Variants in PDE8B observed in about 807,000 individuals in gnomAD.
PDE8B encodes phosphodiesterase 8B.
Under a neutral mutation model 101.3 loss-of-function variants are expected in PDE8B, and 26 were observed. The ratio of observed to expected loss-of-function variants is 0.26; its 90% CI spans 0.19 to 0.36. The LOEUF is 0.36. Among genes scored for constraint, PDE8B ranks in the 10% least tolerant of loss-of-function variants. The probability of loss-of-function intolerance (pLI) is 1.00; values close to 1 mark genes in which losing one functional copy is unlikely to be tolerated. For synonymous variants in PDE8B, 424 were observed against 429.3 expected (o/e 0.99, Z 0.15); for missense variants, 810 against 1,163.1 (o/e 0.70, Z 4.42).
At chr5:77,273,400 T>A (rs2149790709) in intron 1 of PDE8B, among the ~76,000 whole-genome samples, 1 of 152,378 alleles carries the variant, frequency 6.6e-6, no homozygotes, top group East Asian at 1.9e-4. Context: ...TTTTTAAAAT[T>A]TACTAAACAT....
intron 1 of PDE8B, among the ~76,000 whole-genome samples, chr5:77,238,803 C>T (rs1755189165): frequency 6.6e-6 from 1 of 152,170 alleles, no homozygotes; most frequent in Admixed American, 6.5e-5. Context: ...GCCAGAGAAC[C>T]AGGAGCACTG....
intron 5 of PDE8B, among the ~76,000 whole-genome samples, chr5:77,332,081 G>C (rs1370312139): frequency 6.6e-6 from 1 of 152,180 alleles, no homozygotes; most frequent in Non-Finnish European, 1.5e-5. Context: ...TGGAGGCAAA[G>C]CTGTGTGCCT....
the PDE8B span, among the ~76,000 whole-genome samples, chr5:77,204,050 GTTTTTTT>G: frequency 2.6e-5 from 3 of 113,620 alleles, no homozygotes; most frequent in Non-Finnish European, 5.2e-5. Flanking sequence ...TGTACCCTTA[GTTTTTTT>G]TTTTTTTTTT....
At chr5:77,254,252 T>C (rs1758658010) in intron 1 of PDE8B, among the ~76,000 whole-genome samples, 1 of 151,944 alleles carries the variant, frequency 6.6e-6, no homozygotes, top group Non-Finnish European at 1.5e-5. Context: ...TGAGACATCG[T>C]GAATCCCTTA....
the PDE8B span, chr5:77,165,463 A>G: frequency 1.3e-5 from 2 of 152,306 alleles, no homozygotes; most frequent in African/African-American, 2.4e-5. Context: ...CTTCGGACGT[A>G]CAAGGCTCCT....
At chr5:77,221,138 T>G (rs1184661109) in intron 1 of PDE8B, among the ~76,000 whole-genome samples, 1 of 152,248 alleles carries the variant, frequency 6.6e-6, no homozygotes, top group Non-Finnish European at 1.5e-5. Context: ...TATGACAACT[T>G]AATATCAATC....
At chr5:77,234,630 G>T (rs1440437088) in intron 1 of PDE8B, among the ~76,000 whole-genome samples, 1 of 152,142 alleles carries the variant, frequency 6.6e-6, no homozygotes, top group Admixed American at 6.5e-5. Context: ...AGAGACTCCA[G>T]TCTGGCCTTC....
At position 77,349,571 on chromosome 5, in the gene PDE8B, C is replaced by T; in HGVS notation, c.1017+12C>T. 1 of 1,614,062 alleles carries T rather than the reference C, an allele frequency of 6.2e-7. No individual in the cohort carries two copies. The highest frequency in any genetic ancestry group is 8.5e-7 in the Non-Finnish European group (1 of 1,179,952). ...TCAAGAAGGGAAAGGTGGGTTACAC[C>T]AGCAAAACCAATCCACGAACCCTCT... On this transcript the variant is annotated intron_variant, in intron 8 of 21. Transcript: ENST00000264917.
chr5:77,413,195 C>G lies in PDE8B; in HGVS notation c.1797C>G (p.Ala599=). The G allele has an allele frequency of 6.2e-7, 1 of 1,613,776 alleles. No homozygotes were observed. The highest frequency in any genetic ancestry group is 8.5e-7 in the Non-Finnish European group (1 of 1,179,690). Residue 599 remains alanine, a synonymous_variant, in exon 17 of 22, where the codon GCC becomes GCG. Transcript: ENST00000264917. ...ACTGTTCTGAAACCACTCTTCGGGC[C>G]TGGTTCCAAGTGATCGAAGCCAACT... ...FLNCSETTLR[A]WFQVIEANYH...
intron 10 of PDE8B, among the ~76,000 whole-genome samples, chr5:77,361,578 G>T (rs1327728058): frequency 2.0e-5 from 3 of 150,008 alleles, no homozygotes; most frequent in Non-Finnish European, 4.4e-5. Flanking sequence ...GCAGTGGCGC[G>T]ATCTCGGCTC....
chr5:77,375,571 G>C (rs1785904549), intron 10 of PDE8B, among the ~76,000 whole-genome samples: 1 of 152,042 alleles, frequency 6.6e-6, no homozygotes, highest in African/African-American at 2.4e-5. Flanking sequence ...TGCCACCTGT[G>C]CCCATCTCCC....
chr5:77,265,167 T>C (rs1278784180), intron 1 of PDE8B, among the ~76,000 whole-genome samples: 1 of 152,222 alleles, frequency 6.6e-6, no homozygotes, highest in Non-Finnish European at 1.5e-5. Flanking sequence ...CATGGTACTC[T>C]TATGGGATGG....
At chr5:77,388,280 T>C (rs1789159936) in intron 10 of PDE8B, among the ~76,000 whole-genome samples, 1 of 152,194 alleles carries the variant, frequency 6.6e-6, no homozygotes. Flanking sequence ...GTCCTTTTTG[T>C]TGATGTTGAT....
At chr5:77,325,328 T>G (rs924323653) in intron 2 of PDE8B, among the ~76,000 whole-genome samples, 2 of 152,184 alleles carry the variant, frequency 1.3e-5, no homozygotes, top group Non-Finnish European at 2.9e-5. Context: ...CTACTGTGCC[T>G]GGCTAATTTT....
rs115102019 is a variant in PDE8B, at chr5:77,334,527, T to C, written c.709-2700T>C. Among the ~76,000 whole-genome samples, 1,061 of 152,328 alleles carry C rather than the reference T, an allele frequency of 7.0e-3. 10 individuals carry two copies. Among genetic ancestry groups the C allele is most frequent in the African/African-American group, 0.024 (1,012 of 41,576 alleles). ...CTGCCTCTGTGCAATGTGCTAGGCA[T>C]GCCGGGGGCACAACTGTAGGACACA... On this transcript the variant is annotated intron_variant, in intron 5 of 21. Transcript: ENST00000264917.
chr5:77,319,274 C>CAAATCACTATGT (rs1360523765), intron 2 of PDE8B, among the ~76,000 whole-genome samples: 1 of 152,216 alleles, frequency 6.6e-6, no homozygotes, highest in African/African-American at 2.4e-5. Context: ...CTTCAGTCCA[C>CAAATCACTATGT]AAATCACTAT....
At chr5:77,385,874 C>T (rs367682563) in intron 10 of PDE8B, among the ~76,000 whole-genome samples, 2 of 148,684 alleles carry the variant, frequency 1.3e-5, no homozygotes, top group Non-Finnish European at 3.0e-5. Flanking sequence ...CTGCAACCTC[C>T]GCCTCTCAGG....
At chr5:77,348,911 G>A (rs928976929) in intron 7 of PDE8B, among the ~76,000 whole-genome samples, 4 of 152,226 alleles carry the variant, frequency 2.6e-5, no homozygotes, top group Admixed American at 2.6e-4. Flanking sequence ...TGAACTCTTG[G>A]GCCCAACTGA....
chr5:77,110,244 A>G, the PDE8B span, among the ~76,000 whole-genome samples: 1 of 151,406 alleles, frequency 6.6e-6, no homozygotes, highest in African/African-American at 2.4e-5. Flanking sequence ...CGGCCTCACA[A>G]TATCTTTAAT....
Sources: gnomAD v4.1 joint callset for allele counts (sites outside exome capture counted in the v4.1 genomes callset) on GRCh38, gnomAD v4.1.1 for gene constraint, MANE v1.5 for transcripts, NCBI Gene and HGNC (gene_info 2026-07-23, HGNC 2026-07-21) for gene names.